Variants in CREB5 observed in about 807,000 individuals in gnomAD.
CREB5 encodes the protein cAMP responsive element binding protein 5, also known as cyclic AMP-responsive element-binding protein 5.
A neutral mutation model predicts 57.1 loss-of-function variants in CREB5; 19 were observed. The observed-to-expected ratio is 0.33, with a 90% CI of 0.23 to 0.49. The LOEUF (loss-of-function observed/expected upper bound fraction) is 0.49, where lower values mean the gene tolerates loss of function less well. CREB5 is among the 20% of genes least tolerant of loss of function. CREB5 has a pLI of 0.99. For missense variants in CREB5, 579 were observed against 671.6 expected, an observed-to-expected ratio of 0.86 and a Z score of 1.52; for synonymous variants, 238 against 238.3, an observed-to-expected ratio of 1.00 and a Z score of 0.01.
intron 1 of CREB5, among the ~76,000 whole-genome samples, chr7:28,437,605 A>G (rs1358433683): frequency 1.3e-5 from 2 of 152,168 alleles, no homozygotes. Flanking sequence ...CAAGAAGTAC[A>G]ATAAAAGCAC....
intron 5 of CREB5, among the ~76,000 whole-genome samples, chr7:28,582,319 T>A (rs968070890): frequency 4.6e-5 from 7 of 152,110 alleles, no homozygotes; most frequent in African/African-American, 1.7e-4. Context: ...CAGCAAGGAG[T>A]TTAATAAAGA....
At chr7:28,503,750 G>A (rs1792366403) in intron 3 of CREB5, among the ~76,000 whole-genome samples, 1 of 152,138 alleles carries the variant, frequency 6.6e-6, no homozygotes, top group South Asian at 2.1e-4. Context: ...CTACACACAT[G>A]AACAAAGGAG....
chr7:28,376,121 G>A (rs890675737), intron 1 of CREB5, among the ~76,000 whole-genome samples: 2 of 152,154 alleles, frequency 1.3e-5, no homozygotes, highest in African/African-American at 2.4e-5. Context: ...ATTTTGGTCA[G>A]GCTGACTGTA....
intron 5 of CREB5, among the ~76,000 whole-genome samples, chr7:28,680,230 T>A (rs1400840883): frequency 6.6e-6 from 1 of 152,040 alleles, no homozygotes; most frequent in African/African-American, 2.4e-5. Flanking sequence ...AAGTAGGAAT[T>A]TGGTTGATAA....
chr7:28,560,809 C>T (rs13231111), intron 4 of CREB5, among the ~76,000 whole-genome samples: 207 of 19,352 alleles, frequency 0.011, 25 homozygotes, highest in Non-Finnish European at 0.013. Flanking sequence ...TGTGTGTGCG[C>T]GTGTGTGTGT....
chr7:28,730,915 A>G (rs2128751533), intron 7 of CREB5, among the ~76,000 whole-genome samples: 1 of 152,318 alleles, frequency 6.6e-6, no homozygotes, highest in African/African-American at 2.4e-5. Flanking sequence ...GAATAAAAGC[A>G]TGCCTTTATA....
chr7:28,407,614 C>T (rs931892906), upstream of CREB5, among the ~76,000 whole-genome samples: 4 of 152,172 alleles, frequency 2.6e-5, no homozygotes, highest in Non-Finnish European at 4.4e-5. Flanking sequence ...AGCTAGAAAC[C>T]TTTTGCATGA....
At chr7:28,316,588 C>T (rs6960209) in intron 1 of CREB5, among the ~76,000 whole-genome samples, 14,937 of 151,926 alleles carry the variant, frequency 0.098, 868 homozygotes, top group African/African-American at 0.15. Flanking sequence ...TTGGGCATCT[C>T]GTATCGCTCC....
At chr7:28,365,904 T>C (rs80063958) in intron 1 of CREB5, among the ~76,000 whole-genome samples, 3,915 of 152,316 alleles carry the variant, frequency 0.026, 104 homozygotes, top group Admixed American at 0.058. Flanking sequence ...AGAATTGACA[T>C]CTATATTGTT....
intron 7 of CREB5, among the ~76,000 whole-genome samples, chr7:28,788,200 G>T (rs1177971650): frequency 1.3e-5 from 2 of 152,116 alleles, no homozygotes; most frequent in African/African-American, 4.8e-5. Context: ...ATTGTAGAAT[G>T]TTGTTTAGCA....
intron 5 of CREB5, among the ~76,000 whole-genome samples, chr7:28,708,902 G>A (rs1802264125): frequency 6.6e-6 from 1 of 152,122 alleles, no homozygotes; most frequent in Non-Finnish European, 1.5e-5. Context: ...TTCATTTATG[G>A]TGAATGAATG....
At chr7:28,603,213 G>A (rs2128671195) in intron 5 of CREB5, among the ~76,000 whole-genome samples, 1 of 152,280 alleles carries the variant, frequency 6.6e-6, no homozygotes, top group South Asian at 2.1e-4. Flanking sequence ...CCAAAGGTCA[G>A]CAACTGCATC....
chr7:28,511,535 A>C (rs1792700118), intron 4 of CREB5, among the ~76,000 whole-genome samples: 1 of 152,116 alleles, frequency 6.6e-6, no homozygotes, highest in South Asian at 2.1e-4. Context: ...CCCAGGCTGG[A>C]GCGCAGTGGT....
intron 4 of CREB5, among the ~76,000 whole-genome samples, chr7:28,552,271 C>A (rs1236946411): frequency 4.6e-5 from 7 of 152,286 alleles, no homozygotes; most frequent in Non-Finnish European, 1.0e-4. Flanking sequence ...CTCCTGAGCT[C>A]GAGCAATCCA....
At chr7:28,504,767 A>T (rs778607943) in intron 3 of CREB5, among the ~76,000 whole-genome samples, 47 of 152,154 alleles carry the variant, frequency 3.1e-4, no homozygotes, top group Non-Finnish European at 4.6e-4. Context: ...TGCGAGTAGG[A>T]ACTGTTACCC....
chr7:28,464,635 C>A (rs1790486861), intron 1 of CREB5, among the ~76,000 whole-genome samples: 1 of 149,340 alleles, frequency 6.7e-6, no homozygotes, highest in Non-Finnish European at 1.5e-5. Flanking sequence ...GGAATTTGTC[C>A]TTTTCATCAG....
intron 1 of CREB5, among the ~76,000 whole-genome samples, chr7:28,348,518 G>A (rs2391663): frequency 0.36 from 53,870 of 151,660 alleles, 9,754 homozygotes; most frequent in Non-Finnish European, 0.39. Flanking sequence ...CCCACAGTAG[G>A]GACTCAATGC....
At chr7:28,603,926 T>A (rs1797020602) in intron 5 of CREB5, among the ~76,000 whole-genome samples, 3 of 152,160 alleles carry the variant, frequency 2.0e-5, no homozygotes, top group Admixed American at 2.0e-4. Flanking sequence ...CTGGGTTGTT[T>A]CACAAGTTTA....
chr7:28,395,652 A>G (rs1414365456), intron 1 of CREB5, among the ~76,000 whole-genome samples: 1 of 152,194 alleles, frequency 6.6e-6, no homozygotes, highest in African/African-American at 2.4e-5. Flanking sequence ...CTCCAATTAC[A>G]GAGAACATCC....
Sources: gnomAD v4.1 joint callset for allele counts (sites outside exome capture counted in the v4.1 genomes callset) on GRCh38, gnomAD v4.1.1 for gene constraint, MANE v1.5 for transcripts, NCBI Gene and HGNC (gene_info 2026-07-23, HGNC 2026-07-21) for gene names.